The following CACNA2D1 variants were observed in gnomAD, a reference collection of about 807,000 sequenced individuals.
CACNA2D1 encodes the protein calcium voltage-gated channel auxiliary subunit alpha2delta 1.
Under a neutral mutation model 171.5 loss-of-function variants are expected in CACNA2D1, and 53 were observed. The observed-to-expected ratio is 0.31, with a 90% confidence interval of 0.25 to 0.39. The LOEUF is 0.39. CACNA2D1 is among the 10% of genes least tolerant of loss of function. CACNA2D1 has a pLI of 1.00. For synonymous variants in CACNA2D1, 442 were observed against 443.1 expected, an observed-to-expected ratio of 1.00 and a Z score of 0.03; for missense variants, 903 against 1,299.8, an observed-to-expected ratio of 0.69 and a Z score of 4.69.
At chr7:81,966,179 G>C (rs560256533) in intron 31 of CACNA2D1, among the ~76,000 whole-genome samples, 1 of 130,086 alleles carries the variant, frequency 7.7e-6, no homozygotes, top group Non-Finnish European at 1.6e-5. Flanking sequence ...AAAGCAAAAC[G>C]CAAAACAAAA....
intron 6 of CACNA2D1, among the ~76,000 whole-genome samples, chr7:82,108,633 G>A (rs916707502): frequency 6.6e-6 from 1 of 152,144 alleles, no homozygotes; most frequent in Admixed American, 6.5e-5. Flanking sequence ...TATATGATAA[G>A]AATACTGTAT....
intron 9 of CACNA2D1, among the ~76,000 whole-genome samples, chr7:82,061,579 T>C (rs1268781518): frequency 6.6e-6 from 1 of 152,188 alleles, no homozygotes; most frequent in Non-Finnish European, 1.5e-5. Context: ...CTCCTCCCTG[T>C]AACCACCCAA....
intron 3 of CACNA2D1, among the ~76,000 whole-genome samples, chr7:82,198,014 G>A (rs1262281279): frequency 6.6e-6 from 1 of 151,992 alleles, no homozygotes; most frequent in Non-Finnish European, 1.5e-5. Flanking sequence ...CTGAATTCCA[G>A]GTACAGAGAG....
At chr7:82,392,751 T>C (rs1015962203) in intron 1 of CACNA2D1, among the ~76,000 whole-genome samples, 3 of 152,114 alleles carry the variant, frequency 2.0e-5, no homozygotes, top group Non-Finnish European at 2.9e-5. Context: ...ATATGAACAC[T>C]AGGTACCTTG....
intron 4 of CACNA2D1, among the ~76,000 whole-genome samples, chr7:82,168,192 G>A (rs1409843529): frequency 6.6e-6 from 1 of 152,050 alleles, no homozygotes; most frequent in Non-Finnish European, 1.5e-5. Flanking sequence ...CCAGGCTGGA[G>A]TAGTACAGTG....
chr7:82,033,753 C>T (rs372456960), intron 11 of CACNA2D1, among the ~76,000 whole-genome samples: 24 of 152,140 alleles, frequency 1.6e-4, no homozygotes, highest in African/African-American at 5.1e-4. Context: ...TGGATTAGCA[C>T]CAAAGGGCCA....
intron 3 of CACNA2D1, among the ~76,000 whole-genome samples, chr7:82,313,040 C>G (rs1014120731): frequency 2.6e-5 from 4 of 152,164 alleles, no homozygotes; most frequent in African/African-American, 9.7e-5. Flanking sequence ...AGTCCATCTG[C>G]AATGCAACGT....
chr7:82,089,839 C>G (rs1810920961), intron 6 of CACNA2D1, among the ~76,000 whole-genome samples: 1 of 152,082 alleles, frequency 6.6e-6, no homozygotes, highest in African/African-American at 2.4e-5. Flanking sequence ...ATTGCTCCCT[C>G]TTAAGTTTGA....
chr7:82,389,132 GTATATATATATATATT>G (rs1563476389), intron 1 of CACNA2D1, among the ~76,000 whole-genome samples: 1 of 137,772 alleles, frequency 7.3e-6, no homozygotes, highest in Non-Finnish European at 1.5e-5. Context: ...ATAATAATTA[GTATATATATATATATT>G]TATATATATA....
At chr7:82,261,183 G>A (rs966666291) in intron 3 of CACNA2D1, among the ~76,000 whole-genome samples, 19 of 152,118 alleles carry the variant, frequency 1.2e-4, no homozygotes, top group Admixed American at 4.6e-4. Flanking sequence ...TTGAACTCCC[G>A]ACCTCAAGTG....
intron 2 of CACNA2D1, among the ~76,000 whole-genome samples, chr7:82,342,215 T>TA (rs1297939096): frequency 6.6e-6 from 1 of 152,148 alleles, no homozygotes; most frequent in African/African-American, 2.4e-5. Context: ...TTGCTACTTA[T>TA]AAGCATGTGC....
intron 3 of CACNA2D1, among the ~76,000 whole-genome samples, chr7:82,213,199 C>T (rs1054834634): frequency 7.9e-5 from 12 of 152,140 alleles, no homozygotes; most frequent in African/African-American, 2.9e-4. Flanking sequence ...CTGCACCTGG[C>T]CCAATATCCT....
At chr7:82,058,399 A>C (rs1430034441) in intron 10 of CACNA2D1, among the ~76,000 whole-genome samples, 3 of 152,168 alleles carry the variant, frequency 2.0e-5, no homozygotes, top group Non-Finnish European at 4.4e-5. Flanking sequence ...TGGATTTAAG[A>C]CTTTCTCTTT....
chr7:82,290,575 A>G (rs1272110908), intron 3 of CACNA2D1, among the ~76,000 whole-genome samples: 1 of 130,092 alleles, frequency 7.7e-6, no homozygotes, highest in African/African-American at 2.8e-5. Context: ...TACAGGTCGT[A>G]TATTAAAAAA....
At chr7:81,985,570 C>T (rs1217610903) in intron 21 of CACNA2D1, among the ~76,000 whole-genome samples, 1 of 152,112 alleles carries the variant, frequency 6.6e-6, no homozygotes, top group African/African-American at 2.4e-5. Flanking sequence ...AATCCTTGGG[C>T]AAGTTCTCTA....
intron 3 of CACNA2D1, among the ~76,000 whole-genome samples, chr7:82,202,302 C>G (rs969777303): frequency 5.3e-5 from 8 of 152,156 alleles, no homozygotes; most frequent in African/African-American, 1.9e-4. Flanking sequence ...TTCAGCTGCC[C>G]ACCACTCGTT....
intron 3 of CACNA2D1, among the ~76,000 whole-genome samples, chr7:82,178,763 A>T (rs1796812263): frequency 6.6e-6 from 1 of 152,150 alleles, no homozygotes; most frequent in South Asian, 2.1e-4. Context: ...CACTAGTTCT[A>T]TAACCTCATG....
intron 3 of CACNA2D1, among the ~76,000 whole-genome samples, chr7:82,233,438 C>T (rs555418032): frequency 2.6e-5 from 4 of 152,174 alleles, no homozygotes; most frequent in African/African-American, 9.6e-5. Flanking sequence ...GCTTTTAACA[C>T]CAGAGATTAG....
chr7:82,343,452 T>C (rs1432631171), intron 2 of CACNA2D1, among the ~76,000 whole-genome samples: 2 of 152,212 alleles, frequency 1.3e-5, no homozygotes, highest in Admixed American at 1.3e-4. Context: ...CAGGTGATTA[T>C]ATTTAACCAG....
Sources: gnomAD v4.1 joint callset for allele counts (sites outside exome capture counted in the v4.1 genomes callset) on GRCh38, gnomAD v4.1.1 for gene constraint, MANE v1.5 for transcripts, NCBI Gene and HGNC (gene_info 2026-07-23, HGNC 2026-07-21) for gene names.